RUNDC3B: variants seen among roughly 807,000 people sequenced by gnomAD.
The protein encoded by RUNDC3B is RUN domain-containing protein 3B.
In RUNDC3B, 33 loss-of-function variants were observed where a neutral mutation model predicts 58.4. That is an observed-to-expected ratio of 0.56 (90% CI 0.43 to 0.75). RUNDC3B has a LOEUF of 0.75. Ranked by LOEUF, RUNDC3B falls within the 30% of genes least tolerant of loss-of-function variation. The pLI, the probability that RUNDC3B is intolerant of heterozygous loss-of-function variation, is 0.00. For synonymous variants in RUNDC3B, 193 were observed against 195.2 expected (o/e 0.99, Z 0.10); for missense variants, 501 against 535.7 (o/e 0.94, Z 0.64).
At chr7:87,678,181 A>G (rs1826569806) in intron 2 of RUNDC3B, among the ~76,000 whole-genome samples, 1 of 152,142 alleles carries the variant, frequency 6.6e-6, no homozygotes, top group African/African-American at 2.4e-5. Flanking sequence ...TTTCAATATG[A>G]CTACTCAAGC....
intron 2 of RUNDC3B, among the ~76,000 whole-genome samples, chr7:87,663,125 T>G (rs1824879454): frequency 6.6e-6 from 1 of 152,160 alleles, no homozygotes; most frequent in Admixed American, 6.6e-5. Context: ...GTTTATCAGT[T>G]CTAATGGCTT....
Position 87,694,089 on chromosome 7 carries a change from TG to T in RUNDC3B, c.239-6331del. 4.7e-6 allele frequency: 7 copies of T among 1,501,250 alleles called. No homozygotes were observed. In the South Asian group the frequency reaches 5.3e-5, roughly 11 times the overall value. 93.0% of individuals were successfully genotyped at this position (1,501,250 alleles called of 1,614,324 possible). On this transcript the variant is annotated intron_variant, in intron 2 of 10. Transcript: ENST00000394654. ...ATGGGTTTTGTAAAGCCTTCTTTTT[TG>T]TGTGTTTTTGTTTTTTTTTTTTAAT...
intron 4 of RUNDC3B, among the ~76,000 whole-genome samples, chr7:87,726,259 A>G (rs1236222989): frequency 6.6e-6 from 1 of 152,064 alleles, no homozygotes; most frequent in Non-Finnish European, 1.5e-5. Context: ...ATCTTGAATT[A>G]ATTTGTGTAT....
chr7:87,787,880 A>G (rs759558938), intron 8 of RUNDC3B, among the ~76,000 whole-genome samples: 4 of 152,244 alleles, frequency 2.6e-5, no homozygotes, highest in Non-Finnish European at 4.4e-5. Flanking sequence ...CTACGGATCA[A>G]ACAATGAGTT....
chr7:87,632,612 C>T (rs910126850), intron 1 of RUNDC3B, among the ~76,000 whole-genome samples: 8 of 152,048 alleles, frequency 5.3e-5, no homozygotes, highest in African/African-American at 1.9e-4. Flanking sequence ...TATTCTCTAT[C>T]GTTTAGAACT....
chr7:87,648,172 G>A (rs1416418830), intron 1 of RUNDC3B, among the ~76,000 whole-genome samples: 7 of 142,298 alleles, frequency 4.9e-5, no homozygotes, highest in African/African-American at 1.6e-4. Context: ...GTGACAGAGC[G>A]AGACTCTGTC....
At chr7:87,818,454 T>A (rs1429921479) in intron 10 of RUNDC3B, among the ~76,000 whole-genome samples, 2 of 152,144 alleles carry the variant, frequency 1.3e-5, no homozygotes, top group African/African-American at 4.8e-5. Context: ...TCATGATGAG[T>A]TAGTAAGACT....
intron 2 of RUNDC3B, among the ~76,000 whole-genome samples, chr7:87,685,782 C>T (rs2130616289): frequency 6.6e-6 from 1 of 152,224 alleles, no homozygotes; most frequent in East Asian, 1.9e-4. Context: ...TTTTTCAAAA[C>T]TCATAGCAAC....
chr7:87,660,471 T>C (rs1419224767), intron 2 of RUNDC3B, among the ~76,000 whole-genome samples: 2 of 152,122 alleles, frequency 1.3e-5, no homozygotes, highest in Non-Finnish European at 2.9e-5. Context: ...ATTAAAGCTC[T>C]CTAAAGAGAT....
chr7:87,804,903 T>A (rs1295623127), intron 8 of RUNDC3B, among the ~76,000 whole-genome samples: 2 of 152,176 alleles, frequency 1.3e-5, no homozygotes, highest in African/African-American at 4.8e-5. Context: ...CATATTAACA[T>A]TAATTGGATT....
In RUNDC3B at chr7:87,654,463, C is replaced by G. The variant is rs570298533; in HGVS notation, c.238+3526C>G. On this transcript the variant is annotated intron_variant, in intron 2 of 10. Coordinates refer to ENST00000394654, the MANE Select transcript of RUNDC3B (RefSeq NM_001134405.2). The stretch of plus-strand genomic sequence containing the variant: ...GTCTATTAATTTTCAACAGAAGTGC[C>G]AAAACACACACTAGGGAAAGGACAG... 4.6e-5 allele frequency among the ~76,000 whole-genome samples: 7 copies of G among 152,058 alleles called. No individual in the cohort carries two copies. In the South Asian group the frequency reaches 1.5e-3, roughly 32 times the overall value.
Position 87,739,880 on chromosome 7 carries a change from G to T in RUNDC3B, c.548G>T (p.Ser183Ile). Residue 183 changes from serine to isoleucine, a missense_variant and splice_region_variant, in exon 5 of 11, where the codon AGT becomes ATT. Transcript: ENST00000394654. ...CTAGGACTCAATGCTATTGATTTCA[G>T]GTACTTAACCAAATGCATTCAGTTT... ...MLLGLNAIDF[S>I]FCLKGEGLDG... 6.7e-7 allele frequency: 1 copy of T among 1,490,868 alleles called. No individual in the cohort carries two copies. Among genetic ancestry groups the T allele is most frequent in the Non-Finnish European group, 9.2e-7 (1 of 1,081,776 alleles). The allele number at this position is 1,490,868 out of a possible 1,614,324, so 92.4% of individuals were successfully genotyped here.
chr7:87,828,626 G>T (rs904410723), intron 10 of RUNDC3B, among the ~76,000 whole-genome samples: 1 of 152,186 alleles, frequency 6.6e-6, no homozygotes, highest in African/African-American at 2.4e-5. Context: ...GTCCACTGCT[G>T]ATGGGCTCCT....
rs141409661 is a variant in RUNDC3B, at chr7:87,639,078, G to A, written c.122+10133G>A. On this transcript the variant is annotated intron_variant, in intron 1 of 10. Coordinates refer to ENST00000394654, the MANE Select transcript of RUNDC3B (RefSeq NM_001134405.2). Reference sequence around the variant, plus strand: ...GAGGCAGGAGAATGGTGTAAACCCCGGAGGCGGAGCTTGCAGTGAGAAGAG... The same window carrying A: ...GAGGCAGGAGAATGGTGTAAACCCCAGAGGCGGAGCTTGCAGTGAGAAGAG... Among the ~76,000 whole-genome samples the A allele has an allele frequency of 3.9e-3, 587 of 151,154 alleles. 4 individuals are homozygous for A. The highest frequency in any genetic ancestry group is 5.3e-3 in the Non-Finnish European group (362 of 67,900).
intron 1 of RUNDC3B, among the ~76,000 whole-genome samples, chr7:87,639,951 T>G: frequency 6.6e-6 from 1 of 151,576 alleles, no homozygotes; most frequent in East Asian, 1.9e-4. Flanking sequence ...TTCTCTTTTC[T>G]TGCCTTCTTA....
intron 6 of RUNDC3B, among the ~76,000 whole-genome samples, chr7:87,742,637 A>G (rs1439169872): frequency 6.6e-6 from 1 of 151,868 alleles, no homozygotes; most frequent in Non-Finnish European, 1.5e-5. Context: ...GGTTTTTTTA[A>G]TTGAGAAAAT....
At chr7:87,671,252 G>A (rs759767137) in intron 2 of RUNDC3B, among the ~76,000 whole-genome samples, 1 of 152,164 alleles carries the variant, frequency 6.6e-6, no homozygotes, top group African/African-American at 2.4e-5. Flanking sequence ...GTGTGGACAC[G>A]ACACTTAGGG....
intron 6 of RUNDC3B, among the ~76,000 whole-genome samples, chr7:87,769,953 C>T (rs1392099531): frequency 6.6e-6 from 1 of 151,946 alleles, no homozygotes; most frequent in Non-Finnish European, 1.5e-5. Flanking sequence ...TCACCTTATG[C>T]TCTGCTTCTG....
At chr7:87,634,284 G>A (rs907496383) in intron 1 of RUNDC3B, among the ~76,000 whole-genome samples, 2 of 152,080 alleles carry the variant, frequency 1.3e-5, no homozygotes, top group African/African-American at 4.8e-5. Context: ...TTTGATGGGG[G>A]CAGACCAACC....
Sources: allele counts gnomAD v4.1 joint callset (sites outside exome capture counted in the v4.1 genomes callset), GRCh38; gene constraint gnomAD v4.1.1; transcripts MANE v1.5; gene names NCBI Gene and HGNC (gene_info 2026-07-23, HGNC 2026-07-21).